The following DNAH5 variants were observed in gnomAD, a reference collection of about 807,000 sequenced individuals.
The protein encoded by DNAH5 is dynein axonemal heavy chain 5, also known as axonemal beta dynein heavy chain 5.
Under a neutral mutation model 518.2 loss-of-function variants are expected in DNAH5, and 372 were observed. The observed-to-expected ratio is 0.72, with a 90% confidence interval of 0.66 to 0.78. The LOEUF is 0.78. Ranked by LOEUF, DNAH5 falls within the 30% of genes least tolerant of loss-of-function variation. The pLI is 0.00. For missense variants in DNAH5, 5,523 were observed against 5,687.0 expected (o/e 0.97, Z 0.93); for synonymous variants, 2,039 against 2,025.9 (o/e 1.01, Z -0.17).
intron 76 of DNAH5, among the ~76,000 whole-genome samples, chr5:13,705,051 G>C (rs563329905): frequency 6.6e-6 from 1 of 152,012 alleles, no homozygotes; most frequent in East Asian, 1.9e-4. Flanking sequence ...GAGGGCAGTG[G>C]TGCGACCTTG....
chr5:13,811,990 A>T (rs975863184), intron 43 of DNAH5, among the ~76,000 whole-genome samples, 167 bp from the exon 44 acceptor site: 1 of 152,170 alleles, frequency 6.6e-6, no homozygotes, highest in Non-Finnish European at 1.5e-5. Context: ...GTATTAATTC[A>T]CTTAATCTTC....
intron 40 of DNAH5, among the ~76,000 whole-genome samples, chr5:13,821,796 T>A (rs1465921798): frequency 6.6e-6 from 1 of 152,178 alleles, no homozygotes; most frequent in Non-Finnish European, 1.5e-5. Context: ...TTTTTATATT[T>A]TTATATATTT....
chr5:13,738,158 CA>C (rs1747857503), intron 65 of DNAH5, among the ~76,000 whole-genome samples: 1 of 151,130 alleles, frequency 6.6e-6, no homozygotes, highest in Non-Finnish European at 1.5e-5. Context: ...ATGAAACCTG[CA>C]AAAAATACTA....
intron 32 of DNAH5, 67 bp downstream of exon 32, chr5:13,844,770 G>T (rs926359293): frequency 6.2e-7 from 1 of 1,601,142 alleles, no homozygotes; most frequent in Non-Finnish European, 8.6e-7. Context: ...TTTTCGAAGA[G>T]CTACTTAAAG....
chr5:13,709,381 T>A (rs187143090), intron 75 of DNAH5, among the ~76,000 whole-genome samples: 3 of 152,264 alleles, frequency 2.0e-5, no homozygotes, highest in African/African-American at 7.2e-5. Flanking sequence ...TTTATTTTTT[T>A]ATTTTTTATT....
At chr5:13,986,924 T>C (rs1783090683) in intron 1 of DNAH5, among the ~76,000 whole-genome samples, 1 of 152,248 alleles carries the variant, frequency 6.6e-6, no homozygotes, top group Admixed American at 6.5e-5. Context: ...AGGGATTCCC[T>C]GTTCCACAAG....
intron 74 of DNAH5, among the ~76,000 whole-genome samples, chr5:13,714,839 C>G (rs1238639070): frequency 6.6e-6 from 1 of 152,110 alleles, no homozygotes; most frequent in East Asian, 1.9e-4. Context: ...TGGCTCTTTA[C>G]AGTCTGCACC....
At position 13,830,632 on chromosome 5, in the gene DNAH5, T is replaced by C. The variant is rs561922486; in HGVS notation, c.6026A>G (p.Gln2009Arg). ...KYVVVFNCSD[Q>R]MDFRGLGRIF... ...CCGTCCAAGTCCTCGGAAATCCATC[T>C]GGTCTGAACAATTGAAAACCACGAC... The change falls in exon 36 of 79, where the codon CAG becomes CGG. Residue 2009 changes from glutamine (Q) to arginine (R), a missense_variant. Coordinates refer to ENST00000265104, the MANE Select transcript of DNAH5 (RefSeq NM_001369.3). The C allele has an allele frequency of 3.1e-6, 5 of 1,614,246 alleles. No homozygotes were observed. The African/African-American group carries it at 5.3e-5, about 17-fold the overall frequency.
chr5:13,956,462 C>T (rs1227804075), intron 1 of DNAH5, among the ~76,000 whole-genome samples: 1 of 152,026 alleles, frequency 6.6e-6, no homozygotes, highest in East Asian at 1.9e-4. Context: ...TGAAGGTGTC[C>T]TTTTTCATGC....
intron 1 of DNAH5, among the ~76,000 whole-genome samples, chr5:13,996,031 C>T (rs1783915357): frequency 6.6e-6 from 1 of 152,196 alleles, no homozygotes; most frequent in South Asian, 2.1e-4. Context: ...AACTGTATCA[C>T]TGCATTATCA....
At chr5:13,701,058 A>AC (rs1742041368) in intron 77 of DNAH5, among the ~76,000 whole-genome samples, 187 bp from the exon 78 acceptor site, 1 of 152,132 alleles carries the variant, frequency 6.6e-6, no homozygotes, top group Admixed American at 6.5e-5. Flanking sequence ...ACTTTAAAAA[A>AC]AAATAGAAAA....
intron 73 of DNAH5, among the ~76,000 whole-genome samples, chr5:13,716,997 C>G (rs1214726028): frequency 6.6e-6 from 1 of 152,184 alleles, no homozygotes; most frequent in Non-Finnish European, 1.5e-5. Context: ...ACACTTCCAA[C>G]TGATCTGGAC....
rs565105130 is a variant in DNAH5 at position 13,831,985 on chromosome 5, C to T, written c.5883-1210G>A. On this transcript the variant is annotated intron_variant, in intron 35 of 78. Coordinates refer to ENST00000265104, the MANE Select transcript of DNAH5 (RefSeq NM_001369.3). ...AGCTGAGACAAGCCAAGTCTTCTCA[C>T]TTTCCAGCTCTGGGACAAGCCCACT... Among the ~76,000 whole-genome samples, 60 of 152,256 alleles carry T rather than the reference C, an allele frequency of 3.9e-4. 1 individual carries two copies. The East Asian group carries it at 8.5e-3, about 22-fold the overall frequency.
intron 12 of DNAH5, among the ~76,000 whole-genome samples, chr5:13,907,862 TTAAG>T (rs1270188394): frequency 6.6e-6 from 1 of 152,262 alleles, no homozygotes; most frequent in Non-Finnish European, 1.5e-5. Context: ...GAAGTTTTAA[TTAAG>T]TCTTTGCAAA....
chr5:13,797,814 T>C (rs372420051), intron 47 of DNAH5, among the ~76,000 whole-genome samples: 1 of 152,076 alleles, frequency 6.6e-6, no homozygotes, highest in African/African-American at 2.4e-5. Context: ...CAAATGTCCA[T>C]CAATGATAGA....
In DNAH5 at chr5:13,823,388, GA is replaced by G; in HGVS notation, c.6580-19del. Reference sequence around the variant, plus strand: ...TCATCAATCTAAAAAAAGAAAATGGGAAATCAGACCAATTATTCTGGTATAA... The same window carrying G: ...TCATCAATCTAAAAAAAGAAAATGGGAATCAGACCAATTATTCTGGTATAA... On this transcript the variant is annotated intron_variant, in intron 39 of 78. Coordinates refer to ENST00000265104, the MANE Select transcript of DNAH5 (RefSeq NM_001369.3). 6.6e-7 allele frequency: 1 copy of G among 1,505,564 alleles called. No homozygotes were observed. Among genetic ancestry groups the G allele is most frequent in the Non-Finnish European group, 9.2e-7 (1 of 1,081,610 alleles). The allele number at this position is 1,505,564 out of a possible 1,614,324, so 93.3% of individuals were successfully genotyped here.
intron 28 of DNAH5, among the ~76,000 whole-genome samples, 168 bp from the exon 29 acceptor site, chr5:13,862,915 T>C (rs571977107): frequency 3.8e-4 from 58 of 151,458 alleles, no homozygotes; most frequent in African/African-American, 1.3e-3. Flanking sequence ...AGAAGGTGTA[T>C]ACGCAGATAC....
At chr5:13,802,456 A>G (rs1758906303) in intron 47 of DNAH5, among the ~76,000 whole-genome samples, 1 of 152,174 alleles carries the variant, frequency 6.6e-6, no homozygotes, top group Non-Finnish European at 1.5e-5. Flanking sequence ...AAACTCCCCC[A>G]AGGAATGATC....
intron 1 of DNAH5, among the ~76,000 whole-genome samples, chr5:13,966,052 T>C (rs1439363723): frequency 1.3e-5 from 2 of 152,004 alleles, no homozygotes; most frequent in African/African-American, 4.8e-5. Context: ...CCTCATAGCT[T>C]AGTTCCCGTT....
Sources: gnomAD v4.1 joint callset for allele counts (sites outside exome capture counted in the v4.1 genomes callset) on GRCh38, gnomAD v4.1.1 for gene constraint, MANE v1.5 for transcripts, NCBI Gene and HGNC (gene_info 2026-07-23, HGNC 2026-07-21) for gene names.